NAALADL2: variants seen among roughly 807,000 people sequenced by gnomAD.
NAALADL2 encodes the protein N-acetylated alpha-linked acidic dipeptidase like 2.
A neutral mutation model predicts 87.2 loss-of-function variants in NAALADL2; 76 were observed. The ratio of observed to expected loss-of-function variants is 0.87; its 90% CI spans 0.72 to 1.05. The LOEUF is 1.05. Ranked by LOEUF, NAALADL2 falls within the 50% of genes least tolerant of loss-of-function variation. The probability of loss-of-function intolerance (pLI) is 0.00; values close to 1 mark genes in which losing one functional copy is unlikely to be tolerated. For missense variants in NAALADL2, 1,089 were observed against 945.8 expected, an observed-to-expected ratio of 1.15 and a Z score of -1.99; for synonymous variants, 354 against 331.0, an observed-to-expected ratio of 1.07 and a Z score of -0.75.
At chr3:175,328,401 A>G (rs1475840234) in intron 5 of NAALADL2, among the ~76,000 whole-genome samples, 2 of 151,712 alleles carry the variant, frequency 1.3e-5, no homozygotes, top group Non-Finnish European at 2.9e-5. Flanking sequence ...GATTAAATTG[A>G]ATGTAAGTTC....
At chr3:175,360,074 A>G (rs2148904377) in intron 5 of NAALADL2, among the ~76,000 whole-genome samples, 1 of 152,204 alleles carries the variant, frequency 6.6e-6, no homozygotes, top group East Asian at 1.9e-4. Context: ...TACTCAATGC[A>G]CTTCATCTCT....
intron 4 of NAALADL2, among the ~76,000 whole-genome samples, chr3:175,261,618 T>G (rs6781425): frequency 0.029 from 4,364 of 152,234 alleles, 182 homozygotes; most frequent in Admixed American, 0.12. Flanking sequence ...TAGTACTTTC[T>G]GTAATATACT....
At chr3:175,004,532 T>G (rs1346250624) in intron 1 of NAALADL2, among the ~76,000 whole-genome samples, 1 of 150,084 alleles carries the variant, frequency 6.7e-6, no homozygotes, top group Non-Finnish European at 1.5e-5. Flanking sequence ...ACACATTATT[T>G]TTTCTTATTT....
chr3:175,309,314 T>G (rs1758064006), intron 4 of NAALADL2, among the ~76,000 whole-genome samples: 1 of 151,994 alleles, frequency 6.6e-6, no homozygotes, highest in South Asian at 2.1e-4. Flanking sequence ...GCCTCCTGAG[T>G]AACTGGGATT....
chr3:175,679,044 G>A (rs1735232940), intron 11 of NAALADL2, among the ~76,000 whole-genome samples: 1 of 151,998 alleles, frequency 6.6e-6, no homozygotes, highest in African/African-American at 2.4e-5. Flanking sequence ...TAGCTGGTAG[G>A]GGTGGGGGTC....
chr3:175,506,130 A>G (rs1730276848), intron 9 of NAALADL2, among the ~76,000 whole-genome samples: 1 of 152,218 alleles, frequency 6.6e-6, no homozygotes, highest in Non-Finnish European at 1.5e-5. Context: ...AGATTCCTTT[A>G]ACACAGGTAT....
At chr3:174,548,692 T>C (rs1477147617) in intron 1 of NAALADL2, among the ~76,000 whole-genome samples, 3 of 152,180 alleles carry the variant, frequency 2.0e-5, no homozygotes, top group African/African-American at 7.2e-5. Flanking sequence ...ACTGGATTGT[T>C]ATTAACAATT....
chr3:175,393,128 G>A (rs1305275063), intron 5 of NAALADL2, among the ~76,000 whole-genome samples: 1 of 150,436 alleles, frequency 6.6e-6, no homozygotes, highest in Non-Finnish European at 1.5e-5. Flanking sequence ...CAAAAAATTA[G>A]CCGGGCGCGG....
At chr3:175,037,192 C>A (rs2108947763) in intron 1 of NAALADL2, among the ~76,000 whole-genome samples, 1 of 152,242 alleles carries the variant, frequency 6.6e-6, no homozygotes, top group Middle Eastern at 3.4e-3. Context: ...AAGGTGCCAG[C>A]TTCCCACTTG....
intron 5 of NAALADL2, among the ~76,000 whole-genome samples, chr3:175,368,354 G>A (rs572938721): frequency 6.6e-6 from 1 of 152,080 alleles, no homozygotes; most frequent in Admixed American, 6.6e-5. Flanking sequence ...TTGGTATCAG[G>A]ATGATGCTGG....
intron 9 of NAALADL2, among the ~76,000 whole-genome samples, chr3:175,548,831 G>A (rs987735412): frequency 1.3e-5 from 2 of 152,002 alleles, no homozygotes; most frequent in Admixed American, 6.6e-5. Flanking sequence ...GATCATTAGT[G>A]CTTGCTGAAG....
chr3:175,600,598 C>T (rs796342291), intron 10 of NAALADL2, among the ~76,000 whole-genome samples: 87 of 119,238 alleles, frequency 7.3e-4, no homozygotes, highest in African/African-American at 2.5e-3. Context: ...AGTCCAGTGG[C>T]GCGATCTCGG....
chr3:174,515,686 T>C (rs908610737), intron 1 of NAALADL2, among the ~76,000 whole-genome samples: 2 of 144,364 alleles, frequency 1.4e-5, no homozygotes, highest in Non-Finnish European at 3.0e-5. Flanking sequence ...AACTGACAAT[T>C]GGAAAAAAAA....
At chr3:175,312,327 TG>T (rs1013625105) in intron 4 of NAALADL2, among the ~76,000 whole-genome samples, 1 of 152,202 alleles carries the variant, frequency 6.6e-6, no homozygotes, top group East Asian at 1.9e-4. Flanking sequence ...GTCAGGTTCA[TG>T]TTTTTTTAAG....
At chr3:174,679,013 G>T (rs142302136) in intron 2 of NAALADL2, among the ~76,000 whole-genome samples, 1 of 152,024 alleles carries the variant, frequency 6.6e-6, no homozygotes, top group Admixed American at 6.6e-5. Context: ...TTACTGTGCT[G>T]TGTCTAGATA....
At chr3:175,697,795 ATATGTATATATATTTATG>A (rs1430290570) in intron 11 of NAALADL2, among the ~76,000 whole-genome samples, 5 of 144,224 alleles carry the variant, frequency 3.5e-5, no homozygotes, top group African/African-American at 1.0e-4. Context: ...GTGTGTGTAT[ATATGTATATATATTTATG>A]TATGTATACA....
Position 175,145,085 on chromosome 3 carries a change from G to T in NAALADL2, c.545+47794G>T, listed in dbSNP as rs962929792. The stretch of plus-strand genomic sequence containing the variant: ...AAATATTTAATTTCATCCCTGGATA[G>T]AGAAGGATTTGGGAGGGGCTGTCCT... On this transcript the variant is annotated intron_variant, in intron 2 of 13. Transcript: ENST00000454872. Among the ~76,000 whole-genome samples, 8 of 151,930 alleles carry T rather than the reference G, an allele frequency of 5.3e-5. No homozygotes were observed. The East Asian group carries it at 1.4e-3, about 26-fold the overall frequency.
At chr3:174,552,422 A>G (rs142983523) in intron 2 of NAALADL2, among the ~76,000 whole-genome samples, 4 of 152,184 alleles carry the variant, frequency 2.6e-5, no homozygotes, top group East Asian at 1.9e-4. Context: ...AATGACAAAC[A>G]TATCTATTTG....
intron 2 of NAALADL2, among the ~76,000 whole-genome samples, chr3:174,734,128 T>C (rs1055543211): frequency 6.6e-6 from 1 of 152,178 alleles, no homozygotes; most frequent in Non-Finnish European, 1.5e-5. Flanking sequence ...ACTAAAATTA[T>C]CATTAATTTC....
Sources: gnomAD v4.1 joint callset for allele counts (sites outside exome capture counted in the v4.1 genomes callset) on GRCh38, gnomAD v4.1.1 for gene constraint, MANE v1.5 for transcripts, NCBI Gene and HGNC (gene_info 2026-07-23, HGNC 2026-07-21) for gene names.